The following HS3ST3B1 variants were observed in gnomAD, a reference collection of about 807,000 sequenced individuals.
HS3ST3B1 encodes the protein heparan sulfate glucosamine 3-O-sulfotransferase 3B1.
In HS3ST3B1, 13 loss-of-function variants were observed where a neutral mutation model predicts 21.3. That is an observed-to-expected ratio of 0.61 (90% CI 0.40 to 0.97). The LOEUF is 0.97. Among genes scored for constraint, HS3ST3B1 ranks in the 50% least tolerant of loss-of-function variants. The probability of loss-of-function intolerance (pLI) is 0.00; values close to 1 mark genes in which losing one functional copy is unlikely to be tolerated. For synonymous variants in HS3ST3B1, 234 were observed against 254.8 expected (o/e 0.92, Z 0.78); for missense variants, 459 against 554.8 (o/e 0.83, Z 1.73).
At chr17:14,329,779 T>A (rs1909948919) in intron 1 of HS3ST3B1, among the ~76,000 whole-genome samples, 1 of 152,220 alleles carries the variant, frequency 6.6e-6, no homozygotes, top group Non-Finnish European at 1.5e-5. Flanking sequence ...CAAACTCTTT[T>A]AAATATTTGT....
intron 1 of HS3ST3B1, chr17:14,327,761 A>G (rs1436321341): frequency 6.6e-6 from 1 of 152,122 alleles, no homozygotes; most frequent in Non-Finnish European, 1.5e-5. Flanking sequence ...TTATTTGTTC[A>G]TTCAACAAAT....
intron 1 of HS3ST3B1, chr17:14,329,375 G>GAAAGAAAGAA (rs769676433): frequency 1.0e-4 from 8 of 76,814 alleles, no homozygotes; most frequent in Non-Finnish European, 1.8e-4. Flanking sequence ...GAAAAGGAAG[G>GAAAGAAAGAA]AAGGAAGGAA....
rs1910626486 is a variant in HS3ST3B1, at chr17:14,348,018, G to A, written c.*2372G>A. 6.6e-6 allele frequency: 1 copy of A among 152,196 alleles called. No individual in the cohort carries two copies. Among genetic ancestry groups the A allele is most frequent in the Non-Finnish European group, 1.5e-5 (1 of 68,040 alleles). The allele number at this position is 152,196 out of a possible 1,614,324, so 9.4% of individuals were successfully genotyped here. On this transcript the variant is annotated 3_prime_UTR_variant, in exon 2 of 2. Transcript: ENST00000360954. ...GGTTTACAGCATAACATGGCTTGAA[G>A]TAAAAGGCAGTATCCAAGTCCTTCA...
Position 14,301,587 on chromosome 17 carries a change from G to C in HS3ST3B1, c.69G>C (p.Pro23=), listed in dbSNP as rs753534631. The C allele has an allele frequency of 1.0e-5, 16 of 1,600,228 alleles. No homozygotes were observed. Among genetic ancestry groups the C allele is most frequent in the Non-Finnish European group, 1.3e-5 (15 of 1,178,000 alleles). The change falls in exon 1 of 2, where the codon CCG becomes CCC. Residue 23 remains proline (P), a synonymous_variant. Transcript: ENST00000360954. ...CCGGCCGGCTCCTACCGCAGCCGCC[G>C]CCGCCCCCGCCGCCGGTGAGGAGGA... The part of the protein sequence containing the change: ...DVPGRLLPQP[P]PPPPPVRRKL...
Position 14,301,833 on chromosome 17 carries a change from C to T in HS3ST3B1, c.315C>T (p.Ala105=), listed in dbSNP as rs1908940699. The change falls in exon 1 of 2, where the codon GCC becomes GCT. Residue 105 remains alanine (A), a synonymous_variant. Coordinates refer to ENST00000360954, the MANE Select transcript of HS3ST3B1 (RefSeq NM_006041.3). ...ATPLASGKEM[A]EGAASPEEQS... Reference sequence around the variant, plus strand: ...CACTGGCTTCAGGCAAGGAGATGGCCGAGGGCGCTGCGAGCCCGGAGGAGC... The same window carrying T: ...CACTGGCTTCAGGCAAGGAGATGGCTGAGGGCGCTGCGAGCCCGGAGGAGC... 2 of 1,575,652 alleles carry T rather than the reference C, an allele frequency of 1.3e-6. No homozygotes were observed. The highest frequency in any genetic ancestry group is 1.7e-6 in the Non-Finnish European group (2 of 1,161,580).
intron 1 of HS3ST3B1, among the ~76,000 whole-genome samples, chr17:14,309,265 G>A (rs745339687): frequency 6.6e-6 from 1 of 152,234 alleles, no homozygotes; most frequent in Non-Finnish European, 1.5e-5. Context: ...CCCGGGGGCC[G>A]CTGAGCCGGA....
intron 1 of HS3ST3B1, among the ~76,000 whole-genome samples, chr17:14,339,468 G>A (rs73979330): frequency 5.8e-4 from 89 of 152,268 alleles, no homozygotes; most frequent in Middle Eastern, 3.4e-3. Flanking sequence ...AAGCAAAGGA[G>A]GGTTAAGAGA....
chr17:14,334,340 C>T (rs1910125172), intron 1 of HS3ST3B1, among the ~76,000 whole-genome samples: 1 of 151,052 alleles, frequency 6.6e-6, no homozygotes, highest in African/African-American at 2.4e-5. Flanking sequence ...AGGGAAGGTA[C>T]AGATATTTAT....
At chr17:14,307,800 T>A (rs532968557) in intron 1 of HS3ST3B1, among the ~76,000 whole-genome samples, 1 of 152,344 alleles carries the variant, frequency 6.6e-6, no homozygotes, top group African/African-American at 2.4e-5. Flanking sequence ...CAGGGCATAA[T>A]GAGCATTTCT....
rs1597605665 is a variant in HS3ST3B1 at position 14,345,309 on chromosome 17, A to C, written c.836A>C (p.His279Pro). ...SAIQIGIYAK[H>P]LEHWLRHFPI... ...ATCCAGATCGGCATCTACGCCAAGC[A>C]CCTGGAGCACTGGCTGCGCCACTTC... The change falls in exon 2 of 2, where the codon CAC (histidine) becomes CCC (proline). Residue 279 changes from histidine to proline, a missense_variant. Transcript: ENST00000360954. 1 of 1,091,340 alleles carries C rather than the reference A, an allele frequency of 9.2e-7. No homozygotes were observed. The highest frequency in any genetic ancestry group is 1.3e-6 in the Non-Finnish European group (1 of 749,796). The allele number at this position is 1,091,340 out of a possible 1,614,324, so 67.6% of individuals were successfully genotyped here. A position where few individuals can be genotyped will look rare whatever the true frequency, so the allele number is the denominator to read the frequency against.
intron 1 of HS3ST3B1, among the ~76,000 whole-genome samples, chr17:14,334,770 A>G (rs1015663): frequency 0.92 from 140,638 of 152,156 alleles, 65,209 homozygotes; most frequent in East Asian, 0.99. Flanking sequence ...TCTGTGAATC[A>G]TCTCTTTATG....
chr17:14,328,805 G>A (rs1340553920), intron 1 of HS3ST3B1: 10 of 152,116 alleles, frequency 6.6e-5, no homozygotes, highest in Admixed American at 6.5e-4. Flanking sequence ...TTTAAGACCA[G>A]CCTGGGAAAC....
intron 1 of HS3ST3B1, among the ~76,000 whole-genome samples, chr17:14,326,315 C>T (rs34375869): frequency 0.39 from 59,524 of 151,774 alleles, 12,705 homozygotes; most frequent in Non-Finnish European, 0.49. Flanking sequence ...CATATATGCC[C>T]TGCCAGGGAG....
At chr17:14,304,363 A>C (rs866955079) in intron 1 of HS3ST3B1, 8 of 152,360 alleles carry the variant, frequency 5.3e-5, no homozygotes, top group African/African-American at 1.9e-4. Flanking sequence ...CCTGGACTGC[A>C]CCAGCAGCTC....
rs1910652116 is a variant in HS3ST3B1 at position 14,349,010 on chromosome 17, A to C, written c.*3364A>C. 1 of 152,210 alleles carries C rather than the reference A, an allele frequency of 6.6e-6. No homozygotes were observed. The highest frequency in any genetic ancestry group is 2.4e-5 in the African/African-American group (1 of 41,456). 9.4% of individuals were successfully genotyped at this position (152,210 alleles called of 1,614,324 possible). On this transcript the variant is annotated 3_prime_UTR_variant, in exon 2 of 2. Transcript: ENST00000360954. ...AGAAACAGTTTCAGATCCTGCCAGGATATTTTTGTAAAAAAGGAAAATGGA... is the reference window on the plus strand; with the variant it reads ...AGAAACAGTTTCAGATCCTGCCAGGCTATTTTTGTAAAAAAGGAAAATGGA...
At position 14,345,714 on chromosome 17, in the gene HS3ST3B1, G is replaced by T. The variant is rs1910549633; in HGVS notation, c.*68G>T. The T allele has an allele frequency of 6.6e-7, 1 of 1,514,720 alleles. No individual in the cohort carries two copies. Among genetic ancestry groups the T allele is most frequent in the African/African-American group, 1.4e-5 (1 of 71,440 alleles). The allele number at this position is 1,514,720 out of a possible 1,614,324, so 93.8% of individuals were successfully genotyped here. ...GACAGAGATTATATGTATGTAAAAT[G>T]TACAGAAATCTATTTTATAATAATT... On this transcript the variant is annotated 3_prime_UTR_variant, in exon 2 of 2. Coordinates refer to ENST00000360954, the MANE Select transcript of HS3ST3B1 (RefSeq NM_006041.3).
chr17:14,316,173 G>C (rs1909492347), intron 1 of HS3ST3B1, among the ~76,000 whole-genome samples: 1 of 152,132 alleles, frequency 6.6e-6, no homozygotes, highest in Non-Finnish European at 1.5e-5. Flanking sequence ...CCTATAGCTT[G>C]AGTTATTCCT....
chr17:14,345,375 T>C lies in HS3ST3B1; in HGVS notation c.902T>C (p.Ile301Thr). Residue 301 changes from isoleucine (I) to threonine (T), a missense_variant, in exon 2 of 2, where the codon ATC (isoleucine) becomes ACC (threonine). Physicochemically the swap from Ile to Thr is moderately conservative, Grantham distance 89. Transcript: ENST00000360954. ...QMLFVSGERL[I>T]SDPAGELGRV... ...CTCTTCGTGAGCGGCGAGCGGCTCA[T>C]CAGCGACCCGGCCGGGGAGCTGGGC... 2 of 1,143,974 alleles carry C rather than the reference T, an allele frequency of 1.7e-6. No individual in the cohort carries two copies. The highest frequency in any genetic ancestry group is 2.5e-6 in the Non-Finnish European group (2 of 801,352). 70.9% of individuals were successfully genotyped at this position (1,143,974 alleles called of 1,614,324 possible).
intron 1 of HS3ST3B1, among the ~76,000 whole-genome samples, chr17:14,309,774 G>A (rs1323503126): frequency 6.6e-6 from 1 of 152,154 alleles, no homozygotes; most frequent in Non-Finnish European, 1.5e-5. Flanking sequence ...CGAATGTTCG[G>A]CTCCCGAGTC....
Sources: allele counts gnomAD v4.1 joint callset (sites outside exome capture counted in the v4.1 genomes callset), GRCh38; gene constraint gnomAD v4.1.1; transcripts MANE v1.5; gene names NCBI Gene and HGNC (gene_info 2026-07-23, HGNC 2026-07-21).